SNX10: variants seen among roughly 807,000 people sequenced by gnomAD.
SNX10 encodes the protein sorting nexin-10.
A neutral mutation model predicts 28.5 loss-of-function variants in SNX10; 25 were observed. That is an observed-to-expected ratio of 0.88 (90% confidence interval 0.64 to 1.22). The LOEUF (loss-of-function observed/expected upper bound fraction) is 1.22, where lower values mean the gene tolerates loss of function less well. Ranked by LOEUF, SNX10 falls within the 50% of genes most tolerant of loss-of-function variation. SNX10 has a pLI of 0.00. For synonymous variants in SNX10, 62 were observed against 81.4 expected (o/e 0.76, Z 1.28); for missense variants, 223 against 242.6 (o/e 0.92, Z 0.54).
chr7:26,324,486 A>G (rs1300364518), intron 1 of SNX10, among the ~76,000 whole-genome samples: 4 of 152,110 alleles, frequency 2.6e-5, no homozygotes, highest in Non-Finnish European at 1.5e-5. Context: ...CAGCCTCCCA[A>G]GTAACTGGGA....
intron 5 of SNX10, among the ~76,000 whole-genome samples, chr7:26,367,791 C>A (rs188942520): frequency 6.6e-6 from 1 of 152,284 alleles, no homozygotes; most frequent in East Asian, 1.9e-4. Flanking sequence ...TTAAGTAGGG[C>A]CAGCCATCAA....
intron 1 of SNX10, among the ~76,000 whole-genome samples, chr7:26,316,702 C>A (rs1369473286): frequency 6.6e-6 from 1 of 152,098 alleles, no homozygotes; most frequent in Admixed American, 6.6e-5. Flanking sequence ...GATACCGAGG[C>A]GCACAGAGGG....
intron 1 of SNX10, among the ~76,000 whole-genome samples, chr7:26,322,063 C>G (rs574387991): frequency 6.6e-6 from 1 of 152,286 alleles, no homozygotes; most frequent in Non-Finnish European, 1.5e-5. Flanking sequence ...TGATCCTGTT[C>G]TTTTGAACAT....
At chr7:26,341,887 C>T (rs1355422250) in intron 1 of SNX10, among the ~76,000 whole-genome samples, 1 of 152,044 alleles carries the variant, frequency 6.6e-6, no homozygotes, top group Admixed American at 6.6e-5. Flanking sequence ...TTAGTTTTGT[C>T]AGGGAGCAAT....
At chr7:26,367,366 G>A (rs1043602536) in intron 5 of SNX10, among the ~76,000 whole-genome samples, 1 of 152,186 alleles carries the variant, frequency 6.6e-6, no homozygotes, top group Non-Finnish European at 1.5e-5. Flanking sequence ...AATCTGGATT[G>A]TCATCCGATT....
At chr7:26,345,405 C>T (rs528981423) in intron 1 of SNX10, among the ~76,000 whole-genome samples, 29 of 152,310 alleles carry the variant, frequency 1.9e-4, no homozygotes, top group African/African-American at 6.7e-4. Flanking sequence ...TCTCCCATTC[C>T]CTCTCCATGG....
At position 26,364,532 on chromosome 7, in the gene SNX10, C is replaced by T. The variant is rs1387862427; in HGVS notation, c.112-3C>T. On this transcript the variant is annotated splice_polypyrimidine_tract_variant and splice_region_variant and intron_variant, in intron 3 of 6. Transcript: ENST00000338523. The surrounding 1 kb of genome is among the most constrained non-coding windows in gnomAD (Gnocchi z 4.9). Reference sequence around the variant, plus strand: ...GACTCATTTTTCTACTTTCTCTGTACAGACTAATAGCATGTGTTTTACAAT... The same window carrying T: ...GACTCATTTTTCTACTTTCTCTGTATAGACTAATAGCATGTGTTTTACAAT... 1.2e-6 allele frequency: 2 copies of T among 1,609,934 alleles called. No individual in the cohort carries two copies. The highest frequency in any genetic ancestry group is 1.1e-5 in the South Asian group (1 of 90,518).
chr7:26,364,556 A>G lies in SNX10; in HGVS notation c.133A>G (p.Met45Val), dbSNP rs374503391. 13 of 1,613,792 alleles carry G rather than the reference A, an allele frequency of 8.1e-6. No individual in the cohort carries two copies. The highest frequency in any genetic ancestry group is 1.6e-4 in the Middle Eastern group (1 of 6,082). ...ACAGACTAATAGCATGTGTTTTACA[A>G]TGAAAACATCCTGTGTACGAAGAAG... ...CIHTNSMCFT[M>V]KTSCVRRRYR... The change falls in exon 4 of 7, where the codon ATG becomes GTG. Residue 45 changes from methionine (M) to valine (V), a missense_variant. Physicochemically the swap from Met to Val is conservative, Grantham distance 21 (BLOSUM62 1). Transcript: ENST00000338523. The surrounding 1 kb of genome is among the most constrained non-coding windows in gnomAD (Gnocchi z 4.9).
intron 1 of SNX10, among the ~76,000 whole-genome samples, chr7:26,335,735 CT>C (rs57340085): frequency 0.031 from 2,632 of 84,088 alleles, 11 homozygotes; most frequent in East Asian, 0.056. Context: ...ATGGAATATT[CT>C]TTTTTTTTTT....
chr7:26,330,833 A>G (rs1195896673), intron 1 of SNX10, among the ~76,000 whole-genome samples: 1 of 152,112 alleles, frequency 6.6e-6, no homozygotes, highest in Non-Finnish European at 1.5e-5. Context: ...CAGGCCGGGC[A>G]ACATAGCAAG....
In SNX10 at chr7:26,351,847, G is replaced by A. The variant is rs894156266; in HGVS notation, c.24+5381G>A. On this transcript the variant is annotated intron_variant, in intron 2 of 6. Coordinates refer to ENST00000338523, the MANE Select transcript of SNX10 (RefSeq NM_013322.3). ...AATTTTTTGTATTTTTAGTAGAGGC[G>A]GGGTTTCACCATGTTAGCCAGGATG... Among the ~76,000 whole-genome samples the A allele has an allele frequency of 5.6e-4, 80 of 141,936 alleles. 1 individual carries two copies. Among genetic ancestry groups the A allele is most frequent in the Admixed American group, 4.8e-3 (70 of 14,580 alleles). 93.1% of individuals were successfully genotyped at this position (141,936 alleles called of 152,430 possible).
At position 26,364,594 on chromosome 7, in the gene SNX10, C is replaced by T. The variant is rs192013192; in HGVS notation, c.171C>T (p.Phe57=). ...GTGTACGAAGAAGATATAGAGAATT[C>T]GTGTGGCTGAGGCAGAGACTCCAAA... is the stretch of plus-strand genomic sequence containing the variant. ...TSCVRRRYRE[F]VWLRQRLQSN... is the part of the protein sequence containing the mutation. Residue 57 remains phenylalanine, a synonymous_variant, in exon 4 of 7, where the codon TTC becomes TTT. Transcript: ENST00000338523. This position sits in a 1 kb window ranked among gnomAD's most constrained non-coding sequence, Gnocchi z 4.9. The T allele has an allele frequency of 8.7e-6, 14 of 1,613,838 alleles. No individual in the cohort carries two copies. In the Admixed American group the frequency reaches 1.5e-4, roughly 17 times the overall value.
chr7:26,316,493 C>T (rs1729717181), intron 1 of SNX10, among the ~76,000 whole-genome samples: 1 of 152,140 alleles, frequency 6.6e-6, no homozygotes, highest in African/African-American at 2.4e-5. Context: ...TGAGCTTGTG[C>T]TAGTGGGGAA....
chr7:26,372,444 A>C, intron 6 of SNX10, 47 bp from the exon 7 acceptor site: 1 of 1,246,876 alleles, frequency 8.0e-7, no homozygotes, highest in Non-Finnish European at 1.2e-6. Flanking sequence ...TGTGTTGTGA[A>C]AACCAATTTC....
chr7:26,294,026 C>T (rs563071409), intron 1 of SNX10, among the ~76,000 whole-genome samples: 151 of 152,142 alleles, frequency 9.9e-4, no homozygotes, highest in Middle Eastern at 3.4e-3. Flanking sequence ...TTCTTTTTTC[C>T]GTTTTTAGTG....
At chr7:26,362,006 A>G (rs1476605172) in intron 3 of SNX10, among the ~76,000 whole-genome samples, 1 of 152,236 alleles carries the variant, frequency 6.6e-6, no homozygotes, top group Non-Finnish European at 1.5e-5. Flanking sequence ...CCATTATTTA[A>G]TCTTCCCATT....
chr7:26,355,726 A>G (rs1009398941), intron 2 of SNX10, among the ~76,000 whole-genome samples: 2 of 152,228 alleles, frequency 1.3e-5, no homozygotes, highest in African/African-American at 2.4e-5. Context: ...CTCCAAAACA[A>G]TACAATTACA....
At chr7:26,351,105 A>G (rs528823461) in intron 2 of SNX10, among the ~76,000 whole-genome samples, 44 of 152,348 alleles carry the variant, frequency 2.9e-4, no homozygotes, top group Admixed American at 2.2e-3. Context: ...GATCATACAG[A>G]ATTTATAGTT....
intron 1 of SNX10, among the ~76,000 whole-genome samples, chr7:26,300,364 A>G (rs939623443): frequency 6.6e-6 from 1 of 151,964 alleles, no homozygotes; most frequent in Non-Finnish European, 1.5e-5. Context: ...AGGGTTTAGG[A>G]TTACAGGCAT....
Sources: allele counts gnomAD v4.1 joint callset (sites outside exome capture counted in the v4.1 genomes callset), GRCh38; gene constraint gnomAD v4.1.1; non-coding constraint Gnocchi (gnomAD v3.1); transcripts MANE v1.5; gene names NCBI Gene and HGNC (gene_info 2026-07-23, HGNC 2026-07-21).